The following VEPH1 variants were observed in gnomAD, a reference collection of about 807,000 sequenced individuals.
VEPH1 encodes the protein ventricular zone-expressed PH domain-containing protein homolog 1.
In VEPH1, 80 loss-of-function variants were observed where a neutral mutation model predicts 85.2. That is an observed-to-expected ratio of 0.94 (90% CI 0.78 to 1.13). VEPH1 has a LOEUF of 1.13. VEPH1 is among the 50% of genes most tolerant of loss of function. VEPH1 has a pLI of 0.00. For missense variants in VEPH1, 955 were observed against 980.5 expected (o/e 0.97, Z 0.35); for synonymous variants, 297 against 348.0 (o/e 0.85, Z 1.63).
chr3:157,487,710 C>T (rs1385525899), intron 2 of VEPH1, among the ~76,000 whole-genome samples: 2 of 151,954 alleles, frequency 1.3e-5, no homozygotes, highest in African/African-American at 4.8e-5. Context: ...TTAAAATAAA[C>T]AACAAATTTT....
intron 6 of VEPH1, among the ~76,000 whole-genome samples, chr3:157,399,010 G>A (rs1730628281): frequency 6.6e-6 from 1 of 152,032 alleles, no homozygotes; most frequent in Non-Finnish European, 1.5e-5. Context: ...AGACTTCAGT[G>A]AGTTAAAAAA....
intron 7 of VEPH1, among the ~76,000 whole-genome samples, chr3:157,375,675 T>C (rs1319608139): frequency 6.6e-6 from 1 of 152,228 alleles, no homozygotes; most frequent in Non-Finnish European, 1.5e-5. Context: ...TTCTCCTGCA[T>C]GTGCTATTGT....
chr3:157,360,546 G>C (rs1725935307), intron 9 of VEPH1, among the ~76,000 whole-genome samples: 1 of 151,638 alleles, frequency 6.6e-6, no homozygotes, highest in African/African-American at 2.4e-5. Flanking sequence ...CTTATGATGG[G>C]GTTATGTCCC....
intron 11 of VEPH1, among the ~76,000 whole-genome samples, chr3:157,302,122 C>A (rs2108461392): frequency 6.6e-6 from 1 of 152,248 alleles, no homozygotes; most frequent in Non-Finnish European, 1.5e-5. Context: ...CACTTACATG[C>A]CATTCATTAG....
intron 9 of VEPH1, among the ~76,000 whole-genome samples, chr3:157,350,680 A>G (rs769793052): frequency 3.9e-5 from 6 of 152,204 alleles, no homozygotes; most frequent in Non-Finnish European, 8.8e-5. Context: ...CAGCAAAAAA[A>G]TCTAACAATC....
intron 6 of VEPH1, among the ~76,000 whole-genome samples, chr3:157,401,285 T>C (rs902797345): frequency 1.3e-5 from 2 of 152,122 alleles, no homozygotes; most frequent in Admixed American, 6.6e-5. Flanking sequence ...GTATTTGAAC[T>C]TTTTGCCAGG....
chr3:157,347,442 A>G (rs1724351694), intron 9 of VEPH1, among the ~76,000 whole-genome samples: 1 of 152,228 alleles, frequency 6.6e-6, no homozygotes, highest in African/African-American at 2.4e-5. Flanking sequence ...AGCGCCTGCT[A>G]CATGAAACAT....
rs142343351 is a variant in VEPH1 at position 157,381,129 on chromosome 3, C to G, written c.1127+27G>C. On this transcript the variant is annotated intron_variant, in intron 7 of 13. Transcript: ENST00000362010. The stretch of plus-strand genomic sequence containing the variant: ...ACCCCCACAGGTGCACAGCAGCTCC[C>G]TGAGGTACACAGAAGCTCTTGCTCA... 553 of 1,610,878 alleles carry G rather than the reference C, an allele frequency of 3.4e-4. 1 individual carries two copies. In the Middle Eastern group the frequency reaches 6.8e-3, roughly 20 times the overall value.
intron 7 of VEPH1, among the ~76,000 whole-genome samples, chr3:157,372,704 T>C (rs1727641295): frequency 6.6e-6 from 1 of 152,132 alleles, no homozygotes; most frequent in African/African-American, 2.4e-5. Context: ...CTCACTGTAG[T>C]AAAGAACTAT....
chr3:157,429,450 A>T (rs896152583), intron 4 of VEPH1, among the ~76,000 whole-genome samples: 1 of 152,212 alleles, frequency 6.6e-6, no homozygotes, highest in African/African-American at 2.4e-5. Context: ...GAAGGCCAGA[A>T]TTTTCAGAAT....
At chr3:157,467,125 A>ATGTGGTG (rs1736454645) in intron 3 of VEPH1, among the ~76,000 whole-genome samples, 1 of 145,346 alleles carries the variant, frequency 6.9e-6, no homozygotes, top group African/African-American at 2.5e-5. Flanking sequence ...GTGTGTGTGT[A>ATGTGGTG]TGTGTGTGTG....
intron 6 of VEPH1, among the ~76,000 whole-genome samples, chr3:157,397,849 G>A (rs534645410): frequency 6.6e-5 from 10 of 152,240 alleles, no homozygotes; most frequent in South Asian, 6.2e-4. Context: ...TAAGCAGAGC[G>A]CACAACCACA....
chr3:157,271,597 G>A (rs1054881418), intron 12 of VEPH1, among the ~76,000 whole-genome samples: 1 of 152,078 alleles, frequency 6.6e-6, no homozygotes, highest in Non-Finnish European at 1.5e-5. Flanking sequence ...GTCGACCCTC[G>A]GTGTCCAAGC....
intron 9 of VEPH1, among the ~76,000 whole-genome samples, chr3:157,322,744 C>G (rs938455123): frequency 6.6e-6 from 1 of 152,114 alleles, no homozygotes; most frequent in African/African-American, 2.4e-5. Context: ...TGACAGGAAC[C>G]CTTGAAGCAA....
chr3:157,499,927 T>C (rs1739969181), intron 1 of VEPH1, among the ~76,000 whole-genome samples: 1 of 152,190 alleles, frequency 6.6e-6, no homozygotes, highest in Non-Finnish European at 1.5e-5. Flanking sequence ...TTGGAAACAC[T>C]GAGTGTTCGT....
intron 2 of VEPH1, among the ~76,000 whole-genome samples, chr3:157,476,073 C>T (rs939470357): frequency 6.6e-6 from 1 of 152,208 alleles, no homozygotes; most frequent in Non-Finnish European, 1.5e-5. Context: ...TCAACCAAGC[C>T]TCTGTCATCA....
chr3:157,433,720 C>T (rs1391716384), intron 4 of VEPH1, among the ~76,000 whole-genome samples: 1 of 152,176 alleles, frequency 6.6e-6, no homozygotes, highest in Non-Finnish European at 1.5e-5. Context: ...TTTTTGGTAT[C>T]ATACTTAGTA....
intron 12 of VEPH1, among the ~76,000 whole-genome samples, chr3:157,269,043 A>T (rs1031796283): frequency 2.6e-5 from 4 of 152,246 alleles, no homozygotes; most frequent in Non-Finnish European, 5.9e-5. Flanking sequence ...TCAGTCTTTC[A>T]TATTTACTCA....
At chr3:157,392,222 T>A (rs780527703) in intron 6 of VEPH1, among the ~76,000 whole-genome samples, 1 of 152,184 alleles carries the variant, frequency 6.6e-6, no homozygotes, top group Non-Finnish European at 1.5e-5. Context: ...ACCTCATATA[T>A]CAATATCAAC....
Sources: gnomAD v4.1 joint callset for allele counts (sites outside exome capture counted in the v4.1 genomes callset) on GRCh38, gnomAD v4.1.1 for gene constraint, MANE v1.5 for transcripts, NCBI Gene and HGNC (gene_info 2026-07-23, HGNC 2026-07-21) for gene names.